PCDH15: variants seen among roughly 807,000 people sequenced by gnomAD.
PCDH15 encodes the protein protocadherin related 15.
Under a neutral mutation model 178.5 loss-of-function variants are expected in PCDH15, and 129 were observed. That is an observed-to-expected ratio of 0.72 (90% confidence interval 0.63 to 0.84). The LOEUF (loss-of-function observed/expected upper bound fraction) is 0.84. PCDH15 is among the 40% of genes least tolerant of loss of function. The pLI is 0.00. For missense variants in PCDH15, 2,230 were observed against 2,099.9 expected (o/e 1.06, Z -1.21); for synonymous variants, 800 against 732.0 (o/e 1.09, Z -1.50).
intron 1 of PCDH15, among the ~76,000 whole-genome samples, chr10:55,167,813 G>T (rs1839234556): frequency 6.6e-6 from 1 of 152,078 alleles, no homozygotes; most frequent in Admixed American, 6.6e-5. Context: ...GTTGTGATCT[G>T]CTGAATAAGT....
chr10:53,924,971 C>T (rs1288143339), intron 25 of PCDH15, among the ~76,000 whole-genome samples: 2 of 152,112 alleles, frequency 1.3e-5, no homozygotes, highest in South Asian at 2.1e-4. Context: ...CAATCAGCAC[C>T]CTGTCAAAAC....
intron 36 of PCDH15, 127 bp from the exon 37 acceptor site, chr10:53,810,791 G>C: frequency 3.5e-6 from 3 of 855,658 alleles, no homozygotes; most frequent in South Asian, 1.4e-5. Context: ...CACCTATCAG[G>C]CTCCTTGTAA....
chr10:55,103,670 C>T (rs1733796), intron 2 of PCDH15, among the ~76,000 whole-genome samples: 2,584 of 152,096 alleles, frequency 0.017, 74 homozygotes, highest in African/African-American at 0.059. Context: ...ATGGGATAGT[C>T]TTCCATAGTG....
intron 2 of PCDH15, among the ~76,000 whole-genome samples, chr10:54,909,791 C>T (rs955183908): frequency 1.3e-4 from 20 of 152,076 alleles, no homozygotes; most frequent in Admixed American, 1.2e-3. Flanking sequence ...GCAGCACCAC[C>T]TCGGACCTGC....
Position 55,214,366 on chromosome 10 carries a change from A to G in PCDH15, c.-155-47715T>C, listed in dbSNP as rs373605838. On this transcript the variant is annotated intron_variant, in intron 1 of 5. Transcript: ENST00000458638. ...GAGGTATGACAAAGTTTCTACAATC[A>G]TGATATATTTATTTATTTCTCTCTG... Among the ~76,000 whole-genome samples, 169 of 152,012 alleles carry G rather than the reference A, an allele frequency of 1.1e-3. 1 individual carries two copies. In the Middle Eastern group the frequency reaches 0.02, roughly 18 times the overall value.
At chr10:55,496,757 C>A (rs1418596302) in intron 2 of PCDH15, among the ~76,000 whole-genome samples, 1 of 151,706 alleles carries the variant, frequency 6.6e-6, no homozygotes, top group Non-Finnish European at 1.5e-5. Flanking sequence ...GGTAATCATA[C>A]AATGGAAAAC....
At chr10:54,515,726 C>G (rs1001574994) in intron 3 of PCDH15, among the ~76,000 whole-genome samples, 4 of 152,332 alleles carry the variant, frequency 2.6e-5, no homozygotes, top group Admixed American at 2.0e-4. Context: ...TGGGAGGCAT[C>G]CCCCAGTAGG....
In PCDH15 at chr10:54,679,000, C is replaced by T. The variant is rs570758437; in HGVS notation, c.-28-14710G>A. ...GGTCAGGAGATCGAGACCATCTTGG[C>T]TAACACGGTGAAACCCCGTTTCTAC... On this transcript the variant is annotated intron_variant, in intron 1 of 37. Transcript: ENST00000644397. Among the ~76,000 whole-genome samples the T allele has an allele frequency of 7.2e-5, 11 of 151,832 alleles. No homozygotes were observed. The South Asian group carries it at 2.1e-3, about 29-fold the overall frequency.
chr10:54,668,531 G>A (rs543132884), intron 1 of PCDH15, among the ~76,000 whole-genome samples: 1 of 152,188 alleles, frequency 6.6e-6, no homozygotes, highest in South Asian at 2.1e-4. Context: ...CTCTTGGAAG[G>A]AGAATAAAGG....
At chr10:55,358,979 G>A (rs1347605715) in intron 2 of PCDH15, among the ~76,000 whole-genome samples, 2 of 151,994 alleles carry the variant, frequency 1.3e-5, no homozygotes, top group African/African-American at 4.8e-5. Flanking sequence ...ATCTTTCGAG[G>A]CCAGGACTTC....
At chr10:54,136,476 C>CT (rs34537166) in intron 14 of PCDH15, among the ~76,000 whole-genome samples, 47,932 of 151,330 alleles carry the variant, frequency 0.32, 8,574 homozygotes, top group East Asian at 0.89. Flanking sequence ...CTTTCTGCTT[C>CT]GATATTCTTT....
At chr10:53,813,929 T>A (rs1168399897) in intron 35 of PCDH15, among the ~76,000 whole-genome samples, 3 of 152,134 alleles carry the variant, frequency 2.0e-5, no homozygotes, top group African/African-American at 7.2e-5. Context: ...TACAGTATGG[T>A]TTATACTTTT....
chr10:54,998,400 A>T (rs1042481973), intron 2 of PCDH15, among the ~76,000 whole-genome samples: 6 of 152,124 alleles, frequency 3.9e-5, no homozygotes, highest in African/African-American at 1.4e-4. Flanking sequence ...AATAATAAAA[A>T]AAAGAAAAAT....
At chr10:55,387,711 A>G (rs921374901) in intron 2 of PCDH15, among the ~76,000 whole-genome samples, 2 of 152,118 alleles carry the variant, frequency 1.3e-5, no homozygotes, top group African/African-American at 4.8e-5. Flanking sequence ...ATACAAAACC[A>G]AAATGTTTTT....
intron 21 of PCDH15, among the ~76,000 whole-genome samples, chr10:53,992,336 C>G (rs1209379832): frequency 6.6e-6 from 1 of 152,294 alleles, no homozygotes; most frequent in Middle Eastern, 3.4e-3. Flanking sequence ...CGACAGTCTG[C>G]GGCTTCCTTC....
chr10:55,211,332 T>C (rs16907120), intron 1 of PCDH15, among the ~76,000 whole-genome samples: 17,583 of 152,184 alleles, frequency 0.12, 1,107 homozygotes, highest in East Asian at 0.26. Context: ...AGCCAATGTA[T>C]AATTGATTAG....
chr10:55,493,086 ATATGAG>A (rs1260137772), intron 2 of PCDH15, among the ~76,000 whole-genome samples: 1 of 151,760 alleles, frequency 6.6e-6, no homozygotes, highest in Non-Finnish European at 1.5e-5. Context: ...TTGCAACATG[ATATGAG>A]TATAACTAGA....
At chr10:54,326,408 T>A (rs1293225222) in intron 7 of PCDH15, among the ~76,000 whole-genome samples, 5 of 152,210 alleles carry the variant, frequency 3.3e-5, no homozygotes, top group Non-Finnish European at 7.4e-5. Context: ...TGCATACATA[T>A]AATTTTCTCA....
chr10:53,968,080 G>C (rs2089241960), intron 21 of PCDH15, among the ~76,000 whole-genome samples: 2 of 152,114 alleles, frequency 1.3e-5, no homozygotes, highest in Admixed American at 6.6e-5. Flanking sequence ...AGCACAAGGG[G>C]TTGTGGAATT....
Sources: allele counts gnomAD v4.1 joint callset (sites outside exome capture counted in the v4.1 genomes callset), GRCh38; gene constraint gnomAD v4.1.1; transcripts MANE v1.5; gene names NCBI Gene and HGNC (gene_info 2026-07-23, HGNC 2026-07-21).